The following DOCK1 variants were observed in gnomAD, a reference collection of about 807,000 sequenced individuals.
The protein encoded by DOCK1 is dedicator of cytokinesis 1.
DOCK1 carries 138 observed loss-of-function variants against 262.7 expected under a neutral mutation model. The observed-to-expected ratio is 0.53, with a 90% CI of 0.46 to 0.61. DOCK1 has a LOEUF of 0.61. DOCK1 is among the 20% of genes least tolerant of loss of function. The pLI is 0.00. For synonymous variants in DOCK1, 866 were observed against 867.4 expected, an observed-to-expected ratio of 1.00 and a Z score of 0.03; for missense variants, 1,908 against 2,370.7, an observed-to-expected ratio of 0.80 and a Z score of 4.05.
Position 127,409,029 on chromosome 10 carries a change from C to A in DOCK1, c.4123-8C>A. 2 of 1,576,106 alleles carry A rather than the reference C, an allele frequency of 1.3e-6. No individual in the cohort carries two copies. Among genetic ancestry groups the A allele is most frequent in the African/African-American group, 1.3e-5 (1 of 74,186 alleles). ...GTGGTGTTATGAAATGAATGTCACC[C>A]TTTTCAGGGAAAAGTTTTCATTTAC... On this transcript the variant is annotated splice_region_variant and splice_polypyrimidine_tract_variant and intron_variant, in intron 40 of 51. Coordinates refer to ENST00000623213, the MANE Select transcript of DOCK1 (RefSeq NM_001290223.2).
At chr10:127,180,615 C>T (rs2055633962) in intron 27 of DOCK1, among the ~76,000 whole-genome samples, 3 of 152,088 alleles carry the variant, frequency 2.0e-5, no homozygotes, top group Non-Finnish European at 4.4e-5. Context: ...AGATTAGTGA[C>T]GGAGAACCAT....
chr10:126,990,605 T>A lies in DOCK1; in HGVS notation c.473+2T>A. On this transcript the variant is annotated splice_donor_variant, in intron 6 of 51. Transcript: ENST00000623213. LOFTEE classifies it high-confidence loss of function. ...AGCCAAAATTGATTATGGAAACAGGTTTGTTTATTTGAAAGATGATTTTAC... is the reference window on the plus strand; with the variant it reads ...AGCCAAAATTGATTATGGAAACAGGATTGTTTATTTGAAAGATGATTTTAC... 6.2e-7 allele frequency: 1 copy of A among 1,612,842 alleles called. No homozygotes were observed. The highest frequency in any genetic ancestry group is 8.5e-7 in the Non-Finnish European group (1 of 1,179,314).
intron 27 of DOCK1, among the ~76,000 whole-genome samples, chr10:127,143,658 G>A (rs1033296783): frequency 2.6e-5 from 4 of 152,150 alleles, no homozygotes; most frequent in Non-Finnish European, 5.9e-5. Context: ...CCGGTTTTAT[G>A]TGAGTGCCAT....
At chr10:126,999,570 T>C (rs2040438690) in intron 9 of DOCK1, 135 bp downstream of exon 9, 2 of 657,118 alleles carry the variant, frequency 3.0e-6, no homozygotes, top group African/African-American at 1.8e-5. Context: ...TTAGTATTAC[T>C]AAGTAGAGCG....
At chr10:126,907,199 G>A (rs1453994659) in intron 1 of DOCK1, among the ~76,000 whole-genome samples, 1 of 152,158 alleles carries the variant, frequency 6.6e-6, no homozygotes, top group African/African-American at 2.4e-5. Context: ...TCCCTGCGGG[G>A]GTAGTGTGTA....
chr10:126,916,089 T>C (rs2032459429), intron 1 of DOCK1, among the ~76,000 whole-genome samples: 3 of 152,074 alleles, frequency 2.0e-5, no homozygotes, highest in African/African-American at 4.8e-5. Flanking sequence ...GCCTGAATAA[T>C]AGGGTCTGGT....
At chr10:126,948,668 G>T (rs1207861215) in intron 1 of DOCK1, among the ~76,000 whole-genome samples, 3 of 151,960 alleles carry the variant, frequency 2.0e-5, no homozygotes, top group Non-Finnish European at 4.4e-5. Flanking sequence ...TGAGCCAGAG[G>T]CACTGCTTCC....
intron 1 of DOCK1, among the ~76,000 whole-genome samples, chr10:126,920,133 G>A (rs1318133909): frequency 6.6e-6 from 1 of 152,184 alleles, no homozygotes; most frequent in Non-Finnish European, 1.5e-5. Context: ...TGTCCATGCT[G>A]GATAAATATG....
At chr10:127,101,908 G>T (rs1252741490) in intron 23 of DOCK1, among the ~76,000 whole-genome samples, 1 of 152,054 alleles carries the variant, frequency 6.6e-6, no homozygotes, top group Non-Finnish European at 1.5e-5. Flanking sequence ...GTGAACGCTG[G>T]CTATTAAATG....
intron 2 of DOCK1, among the ~76,000 whole-genome samples, chr10:126,973,233 G>GT (rs11354019): frequency 3.6e-3 from 514 of 144,206 alleles, no homozygotes; most frequent in African/African-American, 0.011. Flanking sequence ...TGTGGTGGTG[G>GT]TTTTTTTTTT....
intron 51 of DOCK1, among the ~76,000 whole-genome samples, chr10:127,449,742 T>A (rs2070832850): frequency 6.6e-6 from 1 of 152,146 alleles, no homozygotes; most frequent in African/African-American, 2.4e-5. Context: ...TCTGCCATGA[T>A]GGGGGTGTGA....
chr10:127,118,588 C>G (rs1042312132), intron 25 of DOCK1, among the ~76,000 whole-genome samples: 2 of 152,198 alleles, frequency 1.3e-5, no homozygotes, highest in African/African-American at 4.8e-5. Context: ...GTTCAATAGT[C>G]CACGTGCTAC....
intron 21 of DOCK1, among the ~76,000 whole-genome samples, chr10:127,051,644 G>A (rs932994882): frequency 4.6e-5 from 7 of 152,152 alleles, no homozygotes; most frequent in East Asian, 1.9e-4. Flanking sequence ...GTGCAGTAGC[G>A]CGATCTTGGC....
At chr10:126,936,231 G>C (rs1469527197) in intron 1 of DOCK1, among the ~76,000 whole-genome samples, 1 of 152,186 alleles carries the variant, frequency 6.6e-6, no homozygotes, top group Non-Finnish European at 1.5e-5. Context: ...GGTGATCCTT[G>C]TGTCTCAGCC....
chr10:127,238,582 C>CAA (rs1385983407), intron 27 of DOCK1, among the ~76,000 whole-genome samples: 7 of 152,110 alleles, frequency 4.6e-5, no homozygotes, highest in Non-Finnish European at 2.9e-5. Flanking sequence ...TCTGTGTAGA[C>CAA]ACATGGATTT....
At chr10:127,080,480 T>TA (rs1317417950) in intron 23 of DOCK1, among the ~76,000 whole-genome samples, 1 of 152,136 alleles carries the variant, frequency 6.6e-6, no homozygotes, top group African/African-American at 2.4e-5. Flanking sequence ...TACTATTTAA[T>TA]ATCCAGCCCT....
chr10:127,096,092 A>C (rs1009651742), intron 23 of DOCK1, among the ~76,000 whole-genome samples: 1 of 152,220 alleles, frequency 6.6e-6, no homozygotes, highest in Non-Finnish European at 1.5e-5. Flanking sequence ...AAAATACATA[A>C]GATGTAGGCA....
rs1450569108 is a variant in DOCK1 at position 127,378,333 on chromosome 10, TG to T, written c.3676-1743del. ...TCAATGCCTAGCGGTGGATTGGAGT[TG>T]GGGGGCCGGTCCCAATGGGGTTCCT... On this transcript the variant is annotated intron_variant, in intron 35 of 51. Transcript: ENST00000623213. Among the ~76,000 whole-genome samples the T allele has an allele frequency of 2.0e-5, 3 of 152,240 alleles. No individual in the cohort carries two copies. In the East Asian group the frequency reaches 5.8e-4, roughly 29 times the overall value.
At chr10:127,268,294 G>A (rs1170605171) in intron 29 of DOCK1, among the ~76,000 whole-genome samples, 2 of 151,818 alleles carry the variant, frequency 1.3e-5, no homozygotes, top group Non-Finnish European at 2.9e-5. Flanking sequence ...GAGGGAGTTC[G>A]AGACCAGCCT....
Sources: allele counts gnomAD v4.1 joint callset (sites outside exome capture counted in the v4.1 genomes callset), GRCh38; gene constraint gnomAD v4.1.1; transcripts MANE v1.5; gene names NCBI Gene and HGNC (gene_info 2026-07-23, HGNC 2026-07-21).